Variants in PPARGC1A observed in about 807,000 individuals in gnomAD.
PPARGC1A encodes the protein PPARG coactivator 1 alpha.
A neutral mutation model predicts 88.7 loss-of-function variants in PPARGC1A; 25 were observed. The ratio of observed to expected loss-of-function variants is 0.28; its 90% CI spans 0.21 to 0.39. The LOEUF (loss-of-function observed/expected upper bound fraction) is 0.39, where lower values mean the gene tolerates loss of function less well. Ranked by LOEUF, PPARGC1A falls within the 10% of genes least tolerant of loss-of-function variation. The probability of loss-of-function intolerance (pLI) is 1.00; values close to 1 mark genes in which losing one functional copy is unlikely to be tolerated. For synonymous variants in PPARGC1A, 363 were observed against 355.6 expected, an observed-to-expected ratio of 1.02 and a Z score of -0.24; for missense variants, 880 against 968.7, an observed-to-expected ratio of 0.91 and a Z score of 1.22.
the PPARGC1A span, among the ~76,000 whole-genome samples, chr4:24,125,730 AAG>A: frequency 6.6e-6 from 1 of 152,156 alleles, no homozygotes; most frequent in Non-Finnish European, 1.5e-5. Context: ...GAGAGAGAGA[AAG>A]AGAGAGACCT....
chr4:24,253,507 T>A, the PPARGC1A span, among the ~76,000 whole-genome samples: 1 of 152,236 alleles, frequency 6.6e-6, no homozygotes, highest in Non-Finnish European at 1.5e-5. Flanking sequence ...CTTGTACTAT[T>A]CTTTCAACTT....
the PPARGC1A span, among the ~76,000 whole-genome samples, chr4:24,153,839 G>A: frequency 4.7e-4 from 71 of 152,036 alleles, no homozygotes; most frequent in Non-Finnish European, 9.6e-4. Flanking sequence ...TTACCGAACT[G>A]GGCCACCAGC....
chr4:23,839,762 G>T (rs1166162667), intron 2 of PPARGC1A, among the ~76,000 whole-genome samples: 1 of 151,874 alleles, frequency 6.6e-6, no homozygotes, highest in Non-Finnish European at 1.5e-5. Flanking sequence ...GGAAGGAAAG[G>T]GGAACAAGTC....
chr4:24,270,936 T>C, the PPARGC1A span, among the ~76,000 whole-genome samples: 77 of 152,272 alleles, frequency 5.1e-4, no homozygotes, highest in Admixed American at 2.3e-3. Context: ...ATACCCAGGG[T>C]GTCAAATACA....
the PPARGC1A span, among the ~76,000 whole-genome samples, chr4:24,433,559 G>C: frequency 6.6e-6 from 1 of 152,152 alleles, no homozygotes; most frequent in Admixed American, 6.5e-5. Flanking sequence ...TACAGGCTTT[G>C]AGTTTATGAA....
At chr4:24,366,091 A>T in the PPARGC1A span, among the ~76,000 whole-genome samples, 1 of 152,200 alleles carries the variant, frequency 6.6e-6, no homozygotes, top group Non-Finnish European at 1.5e-5. Context: ...AGCCTGAAAG[A>T]GTCATCAGTC....
At chr4:23,934,851 A>G in the PPARGC1A span, among the ~76,000 whole-genome samples, 2 of 152,156 alleles carry the variant, frequency 1.3e-5, no homozygotes, top group African/African-American at 4.8e-5. Flanking sequence ...TTTCCAATGG[A>G]GAGGATTTTA....
At chr4:24,168,725 C>G in the PPARGC1A span, among the ~76,000 whole-genome samples, 1 of 151,850 alleles carries the variant, frequency 6.6e-6, no homozygotes, top group Non-Finnish European at 1.5e-5. Context: ...TCCCAATGGC[C>G]AAAGCCAGAA....
chr4:24,378,418 A>G, the PPARGC1A span, among the ~76,000 whole-genome samples: 6 of 152,190 alleles, frequency 3.9e-5, no homozygotes, highest in Non-Finnish European at 5.9e-5. Context: ...ATTTATATTT[A>G]TAGCCAATTT....
the PPARGC1A span, among the ~76,000 whole-genome samples, chr4:24,229,843 CAA>C: frequency 9.9e-3 from 1,294 of 130,814 alleles, 14 homozygotes; most frequent in South Asian, 0.015. Flanking sequence ...AAAACTGTCT[CAA>C]AAAAAAAAAA....
At chr4:23,840,726 G>T (rs1321501448) in intron 2 of PPARGC1A, among the ~76,000 whole-genome samples, 1 of 152,140 alleles carries the variant, frequency 6.6e-6, no homozygotes, top group Non-Finnish European at 1.5e-5. Flanking sequence ...AAATGAGTTA[G>T]AATGGTAACT....
the PPARGC1A span, among the ~76,000 whole-genome samples, chr4:24,453,007 G>A: frequency 2.3e-4 from 35 of 152,288 alleles, no homozygotes; most frequent in East Asian, 1.9e-4. Flanking sequence ...CTTCACAGAC[G>A]TGACTGCATT....
At chr4:24,429,394 A>G in the PPARGC1A span, among the ~76,000 whole-genome samples, 6 of 152,122 alleles carry the variant, frequency 3.9e-5, no homozygotes, top group Non-Finnish European at 7.4e-5. Context: ...ACCCCCTACA[A>G]GGCCTAATGA....
the PPARGC1A span, among the ~76,000 whole-genome samples, chr4:24,381,931 G>A: frequency 1.3e-5 from 2 of 152,156 alleles, no homozygotes; most frequent in Non-Finnish European, 2.9e-5. Context: ...CCAACTTAAT[G>A]TTAGGAACTT....
chr4:24,283,892 A>G, the PPARGC1A span, among the ~76,000 whole-genome samples: 247 of 152,352 alleles, frequency 1.6e-3, 2 homozygotes, highest in African/African-American at 5.5e-3. Flanking sequence ...GTCTTGGCCC[A>G]TGACTAGGGC....
intron 12 of PPARGC1A, 26 bp downstream of exon 12, chr4:23,801,704 C>CA (rs1255817255): frequency 1.2e-6 from 2 of 1,612,996 alleles, no homozygotes; most frequent in Non-Finnish European, 1.7e-6. Flanking sequence ...ATGGATTCCT[C>CA]ATTCCACGTA....
chr4:23,854,478 G>A (rs575892807), intron 2 of PPARGC1A, among the ~76,000 whole-genome samples: 28 of 152,190 alleles, frequency 1.8e-4, no homozygotes, highest in African/African-American at 6.3e-4. Context: ...TCCAATTACC[G>A]GAAATTCCTA....
the PPARGC1A span, among the ~76,000 whole-genome samples, chr4:24,002,097 CAGAGAG>C: frequency 4.1e-3 from 520 of 125,364 alleles, 7 homozygotes; most frequent in African/African-American, 0.015. Flanking sequence ...CACACACACA[CAGAGAG>C]AGAGAGAGAG....
chr4:23,888,821 T>G (rs1013281984), intron 1 of PPARGC1A: 6 of 467,498 alleles, frequency 1.3e-5, no homozygotes, highest in Non-Finnish European at 1.7e-5. Context: ...CGTGTGGGCT[T>G]GATCCTCCCC....
Sources: gnomAD v4.1 joint callset for allele counts (sites outside exome capture counted in the v4.1 genomes callset) on GRCh38, gnomAD v4.1.1 for gene constraint, MANE v1.5 for transcripts, NCBI Gene and HGNC (gene_info 2026-07-23, HGNC 2026-07-21) for gene names.